The following CALY variants were observed in gnomAD, a reference collection of about 807,000 sequenced individuals.
The protein encoded by CALY is neuron-specific vesicular protein calcyon.
In CALY, 15 loss-of-function variants were observed where a neutral mutation model predicts 20.2. The observed-to-expected ratio is 0.74, with a 90% CI of 0.50 to 1.14. The LOEUF (loss-of-function observed/expected upper bound fraction) is 1.14, where lower values mean the gene tolerates loss of function less well. Ranked by LOEUF, CALY falls within the 50% of genes most tolerant of loss-of-function variation. The pLI is 0.00. For missense variants in CALY, 270 were observed against 304.4 expected (o/e 0.89, Z 0.84); for synonymous variants, 129 against 131.8 (o/e 0.98, Z 0.15).
chr10:133,334,211 G>C (rs1383630990), intron 1 of CALY, among the ~76,000 whole-genome samples: 10 of 796 alleles, frequency 0.013, no homozygotes, highest in African/African-American at 0.023. Context: ...AAGGATCTGA[G>C]GGGGGAAGGA....
intron 4 of CALY, 118 bp downstream of exon 4, chr10:133,326,760 A>G: frequency 9.1e-6 from 6 of 661,836 alleles, no homozygotes; most frequent in Non-Finnish European, 1.4e-5. Flanking sequence ...AGTAACAGGA[A>G]CATGGCTTTG....
chr10:133,329,313 C>T (rs781412483), intron 1 of CALY, among the ~76,000 whole-genome samples: 5 of 152,146 alleles, frequency 3.3e-5, no homozygotes, highest in African/African-American at 1.2e-4. Context: ...CTCTAGACAA[C>T]CTCCTCTTTT....
At chr10:133,334,142 G>GA (rs1248448276) in intron 1 of CALY, among the ~76,000 whole-genome samples, 1 of 51,316 alleles carries the variant, frequency 1.9e-5, no homozygotes, top group African/African-American at 8.8e-5. Flanking sequence ...GAGGGGGGAA[G>GA]GCTCTGAAGG....
At position 133,324,489 on chromosome 10, in the gene CALY, C is replaced by A. The variant is rs1241976430; in HGVS notation, c.*1106G>T. On this transcript the variant is annotated 3_prime_UTR_variant, in exon 6 of 6. Coordinates refer to ENST00000252939, the MANE Select transcript of CALY (RefSeq NM_015722.4). The stretch of plus-strand genomic sequence containing the variant: ...GCTGGGGTGGGCGGGGCTGCAGAGC[C>A]GCTGCTGGCTGGGGTGGGCGGGGCT... 2.6e-6 allele frequency: 1 copy of A among 388,608 alleles called. No individual in the cohort carries two copies. Among genetic ancestry groups the A allele is most frequent in the Non-Finnish European group, 5.1e-6 (1 of 195,372 alleles). The allele number at this position is 388,608 out of a possible 1,614,324, so 24.1% of individuals were successfully genotyped here. A position where few individuals can be genotyped will look rare whatever the true frequency, so the allele number is the denominator to read the frequency against.
intron 1 of CALY, among the ~76,000 whole-genome samples, chr10:133,331,228 G>C (rs1243587987): frequency 1.3e-5 from 2 of 152,156 alleles, no homozygotes; most frequent in African/African-American, 2.4e-5. Flanking sequence ...TCCTGAAAGT[G>C]CCTCGATCTG....
rs548231982 is a variant in CALY, at chr10:133,327,164, G to A, written c.247-173C>T. Among the ~76,000 whole-genome samples, 498 of 152,362 alleles carry A rather than the reference G, an allele frequency of 3.3e-3. 1 individual carries two copies. The highest frequency in any genetic ancestry group is 6.0e-3 in the Non-Finnish European group (407 of 68,032). ...ACTTTTCCGAGGGTCAAGTGTGCAGGCGTCACCCCTCGGGGCCAGGCCTTG... is the reference window on the plus strand; with the variant it reads ...ACTTTTCCGAGGGTCAAGTGTGCAGACGTCACCCCTCGGGGCCAGGCCTTG... On this transcript the variant is annotated intron_variant, in intron 3 of 5. Coordinates refer to ENST00000252939, the MANE Select transcript of CALY (RefSeq NM_015722.4).
chr10:133,325,835 C>T lies in CALY; in HGVS notation c.646G>A (p.Ala216Thr), dbSNP rs1310737887. The part of the protein sequence containing the change: ...KAAGSAAPPP[A>T]Q ...CTGCGGGGCTGGAGACGTCACTGCG[C>T]GGGCGGGGGCGCCGCGCTCCCGGCC... Residue 216 changes from alanine to threonine, a missense_variant, in exon 5 of 6, where the codon GCG becomes ACG. By Grantham distance (58) the Ala-to-Thr change is moderately conservative (BLOSUM62 0). Transcript: ENST00000252939. The T allele has an allele frequency of 1.6e-6, 2 of 1,223,038 alleles. No individual in the cohort carries two copies. Among genetic ancestry groups the T allele is most frequent in the Admixed American group, 4.4e-5 (1 of 22,922 alleles). The allele number at this position is 1,223,038 out of a possible 1,614,324, so 75.8% of individuals were successfully genotyped here. A position where few individuals can be genotyped will look rare whatever the true frequency, so the allele number is the denominator to read the frequency against.
intron 4 of CALY, 48 bp downstream of exon 4, chr10:133,326,830 G>A: frequency 7.7e-7 from 1 of 1,298,440 alleles, no homozygotes; most frequent in Non-Finnish European, 1.1e-6. Context: ...GGAGGCTACG[G>A]GAGGAGGGGC....
chr10:133,330,396 G>T (rs1208300738), intron 1 of CALY, among the ~76,000 whole-genome samples: 6 of 135,902 alleles, frequency 4.4e-5, no homozygotes, highest in South Asian at 2.4e-4. Flanking sequence ...GGTGGCTCAC[G>T]CCTGTAATCC....
Position 133,326,978 on chromosome 10 carries a change from C to T in CALY, c.260G>A (p.Arg87Gln). The T allele has an allele frequency of 6.2e-7, 1 of 1,608,204 alleles. No homozygotes were observed. The highest frequency in any genetic ancestry group is 1.3e-5 in the African/African-American group (1 of 75,042). Reference sequence around the variant, plus strand: ...TAGCGCCATGGCGAAGGCGATCATCCGTGCGGTGGGCAGCTGGCAGGAGGG... The same window carrying T: ...TAGCGCCATGGCGAAGGCGATCATCTGTGCGGTGGGCAGCTGGCAGGAGGG... ...PEEGRRLPTA[R>Q]MIAFAMALLG... Residue 87 changes from arginine (R) to glutamine (Q), a missense_variant, in exon 4 of 6, where the codon CGG becomes CAG. Physicochemically the swap from Arg to Gln is conservative, Grantham distance 43. Coordinates refer to ENST00000252939, the MANE Select transcript of CALY (RefSeq NM_015722.4).
intron 1 of CALY, among the ~76,000 whole-genome samples, chr10:133,331,983 C>T (rs193099898): frequency 3.3e-5 from 5 of 152,034 alleles, no homozygotes; most frequent in African/African-American, 7.3e-5. Context: ...AAAAACTAGC[C>T]GGGCATGGTG....
At chr10:133,326,143 G>T in intron 4 of CALY, 23 bp from the exon 5 acceptor site, 1 of 1,593,104 alleles carries the variant, frequency 6.3e-7, no homozygotes, top group Non-Finnish European at 8.6e-7. Flanking sequence ...CCGGGTCAGG[G>T]TCGGTGGGGC....
At chr10:133,330,921 TCAAGCAGCGTGAATC>T (rs1848296305) in intron 1 of CALY, among the ~76,000 whole-genome samples, 1 of 152,034 alleles carries the variant, frequency 6.6e-6, no homozygotes, top group Non-Finnish European at 1.5e-5. Context: ...GCCCCAAAGC[TCAAGCAGCGTGAATC>T]CAGCGAATAC....
intron 1 of CALY, among the ~76,000 whole-genome samples, chr10:133,331,572 G>T (rs1460219708): frequency 2.0e-5 from 3 of 152,166 alleles, no homozygotes; most frequent in African/African-American, 7.2e-5. Context: ...GAGCTGAGGA[G>T]CAGGGACAGG....
intron 2 of CALY, among the ~76,000 whole-genome samples, chr10:133,328,600 C>T (rs1361854925): frequency 3.3e-5 from 5 of 152,322 alleles, no homozygotes; most frequent in Middle Eastern, 3.4e-3. Flanking sequence ...AGCACGTGGG[C>T]GGGGTGCTGT....
chr10:133,326,132 GC>G lies in CALY; in HGVS notation c.361-13del. On this transcript the variant is annotated splice_polypyrimidine_tract_variant and intron_variant, in intron 4 of 5. Coordinates refer to ENST00000252939, the MANE Select transcript of CALY (RefSeq NM_015722.4). Reference sequence around the variant, plus strand: ...GTGCAGATCTTGTGCTGCGGGAGGGGCCGGGTCAGGGTCGGTGGGGCTGAGC... The same window carrying G: ...GTGCAGATCTTGTGCTGCGGGAGGGGCGGGTCAGGGTCGGTGGGGCTGAGC... 1.3e-6 allele frequency: 2 copies of G among 1,592,270 alleles called. No homozygotes were observed. Among genetic ancestry groups the G allele is most frequent in the Non-Finnish European group, 8.6e-7 (1 of 1,166,342 alleles).
chr10:133,327,590 C>G, intron 3 of CALY: 6 of 591,250 alleles, frequency 1.0e-5, no homozygotes, highest in East Asian at 2.8e-5. Context: ...ATAGAAAGCC[C>G]GTAAGTCACT....
chr10:133,332,650 A>C (rs911915439), intron 1 of CALY, among the ~76,000 whole-genome samples: 4 of 152,186 alleles, frequency 2.6e-5, no homozygotes, highest in Non-Finnish European at 4.4e-5. Flanking sequence ...AATACATCCA[A>C]GTCCTAGGAT....
chr10:133,330,432 CG>C (rs1321963381), intron 1 of CALY, among the ~76,000 whole-genome samples: 5 of 144,582 alleles, frequency 3.5e-5, no homozygotes, highest in Admixed American at 7.1e-5. Context: ...CCGAGGCGGG[CG>C]GGTCACGAGG....
Sources: gnomAD v4.1 joint callset for allele counts (sites outside exome capture counted in the v4.1 genomes callset) on GRCh38, gnomAD v4.1.1 for gene constraint, MANE v1.5 for transcripts, NCBI Gene and HGNC (gene_info 2026-07-23, HGNC 2026-07-21) for gene names.